IL23R: variants seen among roughly 807,000 people sequenced by gnomAD.
IL23R encodes the protein interleukin 23 receptor.
In IL23R, 34 loss-of-function variants were observed where a neutral mutation model predicts 56.9. That is an observed-to-expected ratio of 0.60 (90% confidence interval 0.45 to 0.80). The LOEUF (loss-of-function observed/expected upper bound fraction) is 0.80, where lower values mean the gene tolerates loss of function less well. Ranked by LOEUF, IL23R falls within the 30% of genes least tolerant of loss-of-function variation. IL23R has a pLI of 0.00. For synonymous variants in IL23R, 230 were observed against 249.2 expected (o/e 0.92, Z 0.73); for missense variants, 635 against 730.0 (o/e 0.87, Z 1.50).
chr1:67,247,005 G>C (rs1469665446), intron 9 of IL23R, among the ~76,000 whole-genome samples: 1 of 152,100 alleles, frequency 6.6e-6, no homozygotes, highest in Non-Finnish European at 1.5e-5. Context: ...TCTGTATTGG[G>C]TGCATATATA....
At chr1:67,250,652 T>C (rs1417851941) in intron 9 of IL23R, among the ~76,000 whole-genome samples, 2 of 152,212 alleles carry the variant, frequency 1.3e-5, no homozygotes, top group Non-Finnish European at 2.9e-5. Context: ...AACTAAGACA[T>C]TACAGTTTTT....
At chr1:67,229,398 G>C (rs915758981) in intron 7 of IL23R, among the ~76,000 whole-genome samples, 1 of 152,176 alleles carries the variant, frequency 6.6e-6, no homozygotes, top group Non-Finnish European at 1.5e-5. Flanking sequence ...AAGCTTTCCA[G>C]GTGCATCACC....
At chr1:67,209,754 C>A (rs943682953) in intron 6 of IL23R, among the ~76,000 whole-genome samples, 5 of 152,156 alleles carry the variant, frequency 3.3e-5, no homozygotes. Flanking sequence ...ATTTTCTGTT[C>A]CTGTGTTAAT....
chr1:67,247,468 C>G (rs1306578429), intron 9 of IL23R, among the ~76,000 whole-genome samples: 1 of 152,064 alleles, frequency 6.6e-6, no homozygotes, highest in Non-Finnish European at 1.5e-5. Context: ...CCATGCCTGG[C>G]TAATTTTGTA....
Position 67,240,280 on chromosome 1 carries a change from G to C in IL23R, c.1147G>C (p.Gly383Arg). Reference protein sequence around the residue: ...IGIFNRSFRTGIKRRILLLIP... With the variant: ...IGIFNRSFRTRIKRRILLLIP... ...GATATTTAACAGATCATTCCGAACT[G>C]GGTAGGTTTTTGCAGAATTTCTGTT... The change falls in exon 9 of 11, where the codon GGG becomes CGG. Residue 383 changes from glycine (G) to arginine (R), a missense_variant and splice_region_variant. By Grantham distance (125) the Gly-to-Arg change is moderately radical. Coordinates refer to ENST00000347310, the MANE Select transcript of IL23R (RefSeq NM_144701.3). 1 of 1,604,144 alleles carries C rather than the reference G, an allele frequency of 6.2e-7. No homozygotes were observed.
chr1:67,157,818 C>T (rs779323896), intron 1 of IL23R, among the ~76,000 whole-genome samples: 26 of 152,326 alleles, frequency 1.7e-4, no homozygotes, highest in Non-Finnish European at 3.5e-4. Flanking sequence ...TCTCTCTTCT[C>T]AGACTAGAAT....
intron 4 of IL23R, among the ~76,000 whole-genome samples, chr1:67,197,742 G>A (rs980376717): frequency 3.9e-5 from 6 of 152,134 alleles, no homozygotes; most frequent in Non-Finnish European, 7.4e-5. Flanking sequence ...CTCAGAGCTC[G>A]AGGCTGGCCT....
At chr1:67,151,082 G>A (rs1440440182) in intron 1 of IL23R, among the ~76,000 whole-genome samples, 1 of 152,156 alleles carries the variant, frequency 6.6e-6, no homozygotes, top group East Asian at 1.9e-4. Flanking sequence ...CAGTGTGAAA[G>A]CATTCCTATT....
chr1:67,152,570 T>C (rs1179073800), intron 1 of IL23R, among the ~76,000 whole-genome samples: 1 of 152,222 alleles, frequency 6.6e-6, no homozygotes, highest in African/African-American at 2.4e-5. Context: ...TCATTCAGTA[T>C]GGTATTGGCT....
At chr1:67,203,027 T>C (rs1648750098) in intron 5 of IL23R, among the ~76,000 whole-genome samples, 2 of 152,208 alleles carry the variant, frequency 1.3e-5, no homozygotes, top group South Asian at 4.1e-4. Flanking sequence ...ATATACCCTT[T>C]TCTTACGATA....
chr1:67,205,915 C>CTTTCTTTCTTTCTTTCTTTCTTT (rs58824749), intron 5 of IL23R, among the ~76,000 whole-genome samples: 3 of 123,134 alleles, frequency 2.4e-5, no homozygotes, highest in South Asian at 2.9e-4. Flanking sequence ...TTCTTTCTTT[C>CTTTCTTTCTTTCTTTCTTTCTTT]TTTCTTTCTT....
chr1:67,139,594 A>T (rs1197316409), intron 1 of IL23R, among the ~76,000 whole-genome samples: 1 of 152,254 alleles, frequency 6.6e-6, no homozygotes, highest in Non-Finnish European at 1.5e-5. Flanking sequence ...TAAAGATCAC[A>T]ACAGTAAACA....
chr1:67,146,723 T>A (rs1646682888), intron 1 of IL23R, among the ~76,000 whole-genome samples: 2 of 152,168 alleles, frequency 1.3e-5, no homozygotes, highest in Admixed American at 1.3e-4. Context: ...TACCAGATCT[T>A]TAGACATGCC....
At chr1:67,206,883 T>C in intron 5 of IL23R, 27 bp from the exon 6 acceptor site, 2 of 1,446,160 alleles carry the variant, frequency 1.4e-6, no homozygotes, top group South Asian at 2.6e-5. Flanking sequence ...AACAGCCAGG[T>C]CTTTTTTTTT....
intron 7 of IL23R, among the ~76,000 whole-genome samples, chr1:67,230,772 T>G (rs753322210): frequency 7.9e-5 from 12 of 152,192 alleles, no homozygotes; most frequent in Admixed American, 1.3e-4. Flanking sequence ...TGACACACCG[T>G]TTTCCCTGCC....
chr1:67,143,206 T>C (rs1646653831), intron 1 of IL23R, among the ~76,000 whole-genome samples: 2 of 152,206 alleles, frequency 1.3e-5, no homozygotes, highest in African/African-American at 4.8e-5. Context: ...AAAAAATCTT[T>C]AGACTGTTCG....
intron 4 of IL23R, 82 bp downstream of exon 4, chr1:67,183,041 A>ATCC: frequency 6.7e-7 from 1 of 1,503,626 alleles, no homozygotes; most frequent in Non-Finnish European, 9.2e-7. Flanking sequence ...GATCCAAGAA[A>ATCC]TCAGCCTCAA....
intron 8 of IL23R, among the ~76,000 whole-genome samples, chr1:67,239,439 AT>A: frequency 6.6e-6 from 1 of 152,028 alleles, no homozygotes; most frequent in Middle Eastern, 3.4e-3. Flanking sequence ...AATTTTTGTA[AT>A]TTTTGTAGAG....
intron 1 of IL23R, among the ~76,000 whole-genome samples, chr1:67,144,647 GTCC>G (rs1646664802): frequency 6.6e-6 from 1 of 152,132 alleles, no homozygotes; most frequent in East Asian, 1.9e-4. Context: ...CTCTGTCAAA[GTCC>G]TCCTATAATT....
Sources: gnomAD v4.1 joint callset for allele counts (sites outside exome capture counted in the v4.1 genomes callset) on GRCh38, gnomAD v4.1.1 for gene constraint, MANE v1.5 for transcripts, NCBI Gene and HGNC (gene_info 2026-07-23, HGNC 2026-07-21) for gene names.